Variants in PTPN13 observed in about 807,000 individuals in gnomAD.
PTPN13 encodes the protein protein tyrosine phosphatase non-receptor type 13, also known as tyrosine-protein phosphatase non-receptor type 13.
Under a neutral mutation model 284.0 loss-of-function variants are expected in PTPN13, and 191 were observed. The ratio of observed to expected loss-of-function variants is 0.67; its 90% CI spans 0.60 to 0.76. The LOEUF (loss-of-function observed/expected upper bound fraction) is 0.76, where lower values mean the gene tolerates loss of function less well. PTPN13 is among the 30% of genes least tolerant of loss of function. PTPN13 has a pLI of 0.00. For synonymous variants in PTPN13, 986 were observed against 1,022.3 expected (o/e 0.96, Z 0.68); for missense variants, 2,797 against 2,939.9 (o/e 0.95, Z 1.12).
intron 2 of PTPN13, among the ~76,000 whole-genome samples, chr4:86,657,132 C>T (rs999839459): frequency 6.6e-6 from 1 of 152,136 alleles, no homozygotes; most frequent in African/African-American, 2.4e-5. Flanking sequence ...TCACAGCTTC[C>T]CTTGGCTAGG....
chr4:86,717,597 A>G (rs1046544097), intron 9 of PTPN13, among the ~76,000 whole-genome samples: 9 of 152,234 alleles, frequency 5.9e-5, no homozygotes, highest in Middle Eastern at 3.4e-3. Context: ...ATTATATGAA[A>G]GACAAAGTAT....
intron 20 of PTPN13, among the ~76,000 whole-genome samples, chr4:86,754,301 C>T (rs530748239): frequency 6.6e-6 from 1 of 152,078 alleles, no homozygotes; most frequent in South Asian, 2.1e-4. Flanking sequence ...TTCTAGTGAT[C>T]AAACTCCTTA....
chr4:86,617,522 C>A (rs1009864038), intron 1 of PTPN13, among the ~76,000 whole-genome samples: 1 of 151,970 alleles, frequency 6.6e-6, no homozygotes, highest in African/African-American at 2.4e-5. Context: ...TATGCTGCAC[C>A]CATTAACTCA....
Position 86,774,143 on chromosome 4 carries a change from A to T in PTPN13, c.5350-230A>T, listed in dbSNP as rs368855146. Among the ~76,000 whole-genome samples, 5 of 152,310 alleles carry T rather than the reference A, an allele frequency of 3.3e-5. No individual in the cohort carries two copies. In the East Asian group the frequency reaches 9.6e-4, roughly 29 times the overall value. On this transcript the variant is annotated intron_variant, in intron 32 of 47. Transcript: ENST00000411767. ...CTGTCTCTGCTGTCTCTAGACAAAC[A>T]TAATGTTGTGCTTAAACATAACTTT...
intron 3 of PTPN13, among the ~76,000 whole-genome samples, chr4:86,673,567 G>A (rs762563297): frequency 2.0e-5 from 3 of 152,192 alleles, no homozygotes; most frequent in Admixed American, 6.5e-5. Flanking sequence ...AGAACTTGAG[G>A]CTTTCTTCTT....
intron 6 of PTPN13, among the ~76,000 whole-genome samples, chr4:86,699,269 CCAACTA>C (rs1730887786): frequency 6.6e-6 from 1 of 151,892 alleles, no homozygotes; most frequent in African/African-American, 2.4e-5. Flanking sequence ...GCCTGTGGTC[CCAACTA>C]CTCGGGAGGC....
intron 1 of PTPN13, among the ~76,000 whole-genome samples, chr4:86,607,526 T>A (rs1764891358): frequency 6.6e-6 from 1 of 152,026 alleles, no homozygotes; most frequent in South Asian, 2.1e-4. Context: ...ATTCTTATTT[T>A]ACAGATGAGA....
rs564588316 is a variant in PTPN13 at position 86,707,540 on chromosome 4, G to A, written c.1195+5739G>A. Among the ~76,000 whole-genome samples, 175 of 152,226 alleles carry A rather than the reference G, an allele frequency of 1.1e-3. 2 individuals carry two copies. In the Middle Eastern group the frequency reaches 0.014, roughly 12 times the overall value. On this transcript the variant is annotated intron_variant, in intron 7 of 47. Transcript: ENST00000411767. Reference sequence around the variant, plus strand: ...TAAAAGTTTACATTCTTACAGTTACGCTTAAGAAAAGCAAAGGGATGAATT... The same window carrying A: ...TAAAAGTTTACATTCTTACAGTTACACTTAAGAAAAGCAAAGGGATGAATT...
rs548028824 is a variant in PTPN13 at position 86,596,233 on chromosome 4, A to G, written c.-6+1444A>G. On this transcript the variant is annotated intron_variant, in intron 1 of 47. Transcript: ENST00000411767. ...TTGTTAAGAAAAGGACTGATTTCAT[A>G]GTGTTTTTCACTTTTACAATTAGAG... is the stretch of plus-strand genomic sequence containing the variant. Among the ~76,000 whole-genome samples the G allele has an allele frequency of 4.6e-5, 7 of 152,328 alleles. No individual in the cohort carries two copies. In the South Asian group the frequency reaches 1.4e-3, roughly 32 times the overall value.
Position 86,770,199 on chromosome 4 carries a change from G to A in PTPN13, c.4803G>A (p.Leu1601=), listed in dbSNP as rs1195207661. ...TACCGGAAATTGATACTGCGCTTTT[G>A]GTGAGACTTATGAAAAGTAATTTAC... ...GVLPEIDTAL[L]TPLQSPAQVL... The change falls in exon 30 of 48, where the codon TTG becomes TTA. Residue 1601 remains leucine (L), a splice_region_variant and synonymous_variant. Transcript: ENST00000411767. 1 of 1,610,898 alleles carries A rather than the reference G, an allele frequency of 6.2e-7. No individual in the cohort carries two copies. Among genetic ancestry groups the A allele is most frequent in the South Asian group, 1.1e-5 (1 of 90,774 alleles).
At chr4:86,776,220 A>G (rs1740623221) in intron 35 of PTPN13, among the ~76,000 whole-genome samples, 1 of 152,228 alleles carries the variant, frequency 6.6e-6, no homozygotes, top group Non-Finnish European at 1.5e-5. Flanking sequence ...TGCTGGGATT[A>G]CAGGCGTGAG....
At position 86,766,412 on chromosome 4, in the gene PTPN13, T is replaced by G; in HGVS notation, c.4244-20T>G. The stretch of plus-strand genomic sequence containing the variant: ...AACATGTAGGATTTTTATTTATGAT[T>G]TGAACTGCCTAATTTTTAGGTGATC... On this transcript the variant is annotated intron_variant, in intron 26 of 47. Transcript: ENST00000411767. The G allele has an allele frequency of 6.4e-7, 1 of 1,574,286 alleles. No individual in the cohort carries two copies. Among genetic ancestry groups the G allele is most frequent in the South Asian group, 1.2e-5 (1 of 85,736 alleles).
intron 2 of PTPN13, among the ~76,000 whole-genome samples, chr4:86,667,728 C>A (rs1727243508): frequency 6.6e-6 from 1 of 152,102 alleles, no homozygotes; most frequent in Non-Finnish European, 1.5e-5. Context: ...TTGCCAGACA[C>A]CCTAATAGAA....
At chr4:86,759,609 A>G (rs1359636272) in intron 23 of PTPN13, among the ~76,000 whole-genome samples, 1 of 152,220 alleles carries the variant, frequency 6.6e-6, no homozygotes, top group Non-Finnish European at 1.5e-5. Context: ...AAGAAGCACA[A>G]TAGGCCCCTG....
chr4:86,660,667 C>T (rs190234753), intron 2 of PTPN13, among the ~76,000 whole-genome samples: 131 of 152,080 alleles, frequency 8.6e-4, no homozygotes, highest in Non-Finnish European at 1.5e-3. Flanking sequence ...TGTGAAATTA[C>T]GCATTTGTTC....
rs754646654 is a variant in PTPN13, at chr4:86,785,334, C to T, written c.6222C>T (p.Asn2074=). 38 of 1,611,362 alleles carry T rather than the reference C, an allele frequency of 2.4e-5. No homozygotes were observed. In the East Asian group the frequency reaches 3.6e-4, roughly 15 times the overall value. ...VVDEEAQNLL[N]ENNAAGYSCG... is the part of the protein sequence containing the mutation. Reference sequence around the variant, plus strand: ...ATGAGGAAGCCCAGAATCTTTTAAACGAAAATAATGCAGCAGGATACTCCT... The same window carrying T: ...ATGAGGAAGCCCAGAATCTTTTAAATGAAAATAATGCAGCAGGATACTCCT... Residue 2074 remains asparagine, a synonymous_variant, in exon 39 of 48, where the codon AAC becomes AAT. Coordinates refer to ENST00000411767, the MANE Select transcript of PTPN13 (RefSeq NM_080683.3).
Position 86,716,514 on chromosome 4 carries a change from G to T in PTPN13, c.1196-16G>T. On this transcript the variant is annotated splice_polypyrimidine_tract_variant and intron_variant, in intron 7 of 47. Transcript: ENST00000411767. ...AATGAGTTTGCTTTCTAATCTTTTT[G>T]TTTTAATCCTTTTAGAACCAGTTCG... The T allele has an allele frequency of 2.0e-6, 3 of 1,477,292 alleles. No individual in the cohort carries two copies. Among genetic ancestry groups the T allele is most frequent in the Admixed American group, 2.2e-5 (1 of 45,316 alleles). 91.5% of individuals were successfully genotyped at this position (1,477,292 alleles called of 1,614,324 possible). A position where few individuals can be genotyped will look rare whatever the true frequency, so the allele number is the denominator to read the frequency against.
chr4:86,701,555 G>C lies in PTPN13; in HGVS notation c.949G>C (p.Glu317Gln), dbSNP rs1158908929. 1 of 1,613,846 alleles carries C rather than the reference G, an allele frequency of 6.2e-7. No individual in the cohort carries two copies. Residue 317 changes from glutamate to glutamine, a missense_variant, in exon 7 of 48, where the codon GAG becomes CAG. Physicochemically the swap from Glu to Gln is conservative, Grantham distance 29. Coordinates refer to ENST00000411767, the MANE Select transcript of PTPN13 (RefSeq NM_080683.3). ...CTADRDFSSG[E>Q]TATYRRCHPE... ...AGCTGACAGAGACTTCTCTTCAGGA[G>C]AGACTGCCACATATCGTCGTTGTCA... is the stretch of plus-strand genomic sequence containing the variant.
chr4:86,684,556 A>G (rs1171951028), intron 3 of PTPN13, among the ~76,000 whole-genome samples: 1 of 152,200 alleles, frequency 6.6e-6, no homozygotes, highest in East Asian at 1.9e-4. Context: ...TGAAAAGTGG[A>G]ACAACTTTTC....
Sources: gnomAD v4.1 joint callset for allele counts (sites outside exome capture counted in the v4.1 genomes callset) on GRCh38, gnomAD v4.1.1 for gene constraint, MANE v1.5 for transcripts, NCBI Gene and HGNC (gene_info 2026-07-23, HGNC 2026-07-21) for gene names.